Variants in ARHGAP28 observed in about 807,000 individuals in gnomAD.
ARHGAP28 encodes Rho GTPase activating protein 28, also known as rho GTPase-activating protein 28.
In ARHGAP28, 56 loss-of-function variants were observed where a neutral mutation model predicts 90.7. The ratio of observed to expected loss-of-function variants is 0.62; its 90% confidence interval spans 0.50 to 0.77. ARHGAP28 has a LOEUF of 0.77. Ranked by LOEUF, ARHGAP28 falls within the 30% of genes least tolerant of loss-of-function variation. The probability of loss-of-function intolerance (pLI) is 0.00; values close to 1 mark genes in which losing one functional copy is unlikely to be tolerated. For synonymous variants in ARHGAP28, 308 were observed against 323.3 expected, an observed-to-expected ratio of 0.95 and a Z score of 0.51; for missense variants, 869 against 900.9, an observed-to-expected ratio of 0.96 and a Z score of 0.45.
At chr18:6,832,391 G>A (rs574154410) in intron 2 of ARHGAP28, among the ~76,000 whole-genome samples, 6 of 151,922 alleles carry the variant, frequency 3.9e-5, no homozygotes, top group African/African-American at 1.4e-4. Context: ...TGGTTAGTGT[G>A]GTGTTCTGTA....
intron 2 of ARHGAP28, among the ~76,000 whole-genome samples, chr18:6,828,251 C>T (rs1024411669): frequency 7.9e-5 from 12 of 152,102 alleles, no homozygotes; most frequent in African/African-American, 2.2e-4. Flanking sequence ...CTCGGCAGGC[C>T]CAGGCAGGAG....
intron 1 of ARHGAP28, among the ~76,000 whole-genome samples, chr18:6,741,284 C>T (rs1038760340): frequency 6.6e-6 from 1 of 152,076 alleles, no homozygotes; most frequent in Non-Finnish European, 1.5e-5. Flanking sequence ...TTTAACATAC[C>T]ACAACTTAAC....
intron 16 of ARHGAP28, among the ~76,000 whole-genome samples, chr18:6,900,696 TATC>T (rs58039109): frequency 0.25 from 38,169 of 151,764 alleles, 5,400 homozygotes; most frequent in East Asian, 0.38. Context: ...GTGAGCTAAA[TATC>T]ATACAATCAG....
chr18:6,894,999 T>G (rs2057294613), intron 15 of ARHGAP28, 108 bp downstream of exon 15: 1 of 1,118,164 alleles, frequency 8.9e-7, no homozygotes. Context: ...CCTTCAAACT[T>G]GACATTTTCA....
At chr18:6,741,037 C>G (rs1289696071) in intron 1 of ARHGAP28, among the ~76,000 whole-genome samples, 1 of 152,082 alleles carries the variant, frequency 6.6e-6, no homozygotes, top group Non-Finnish European at 1.5e-5. Flanking sequence ...AAGGTGGTGT[C>G]GATTATGAGA....
rs749612619 is a variant in ARHGAP28 at position 6,868,171 on chromosome 18, G to C, written c.748G>C (p.Val250Leu). Reference protein sequence around the residue: ...DSVAILETIPVLPVHSNGSPE... With the variant: ...DSVAILETIPLLPVHSNGSPE... The stretch of plus-strand genomic sequence containing the variant: ...GCAGGCTATACTTGAGACCATTCCA[G>C]TTCTACCAGTTCATTCCAATGGATC... The change falls in exon 6 of 18, where the codon GTT becomes CTT. Residue 250 changes from valine (V) to leucine (L), a missense_variant. Transcript: ENST00000383472. 3 of 1,613,952 alleles carry C rather than the reference G, an allele frequency of 1.9e-6. No homozygotes were observed. Among genetic ancestry groups the C allele is most frequent in the East Asian group, 2.2e-5 (1 of 44,886 alleles).
At chr18:6,777,758 A>G (rs939129226) in intron 1 of ARHGAP28, among the ~76,000 whole-genome samples, 1 of 145,584 alleles carries the variant, frequency 6.9e-6, no homozygotes, top group South Asian at 2.4e-4. Context: ...GAGTGAATGA[A>G]TGAATGAATG....
chr18:6,777,239 T>C (rs1456561245), intron 1 of ARHGAP28, among the ~76,000 whole-genome samples: 1 of 152,134 alleles, frequency 6.6e-6, no homozygotes, highest in Non-Finnish European at 1.5e-5. Flanking sequence ...CACCTGGATT[T>C]GTGAATCTAT....
At chr18:6,776,953 G>A (rs1209160176) in intron 1 of ARHGAP28, among the ~76,000 whole-genome samples, 2 of 152,198 alleles carry the variant, frequency 1.3e-5, no homozygotes, top group Admixed American at 6.5e-5. Flanking sequence ...GTAAGCTGAG[G>A]CAGGTTATGA....
intron 1 of ARHGAP28, among the ~76,000 whole-genome samples, chr18:6,739,409 T>C (rs1308956887): frequency 6.6e-6 from 1 of 151,962 alleles, no homozygotes; most frequent in Non-Finnish European, 1.5e-5. Context: ...TTAAATATAA[T>C]AATATATTTG....
intron 2 of ARHGAP28, among the ~76,000 whole-genome samples, chr18:6,827,281 T>C (rs1239266013): frequency 1.3e-5 from 2 of 149,520 alleles, no homozygotes; most frequent in Non-Finnish European, 3.0e-5. Context: ...GAGGCGCCCC[T>C]CACCTCCCGG....
At chr18:6,801,732 C>G (rs764995101) in intron 1 of ARHGAP28, among the ~76,000 whole-genome samples, 9 of 151,952 alleles carry the variant, frequency 5.9e-5, no homozygotes, top group Non-Finnish European at 1.0e-4. Context: ...ATATCCATAA[C>G]CTTAACTATT....
chr18:6,737,502 G>A (rs2055938699), intron 1 of ARHGAP28, among the ~76,000 whole-genome samples: 1 of 152,068 alleles, frequency 6.6e-6, no homozygotes, highest in African/African-American at 2.4e-5. Flanking sequence ...CTTTTGATTA[G>A]ATAATCAGCT....
chr18:6,894,319 G>C (rs998924382), intron 14 of ARHGAP28, among the ~76,000 whole-genome samples: 5 of 152,332 alleles, frequency 3.3e-5, no homozygotes, highest in African/African-American at 9.6e-5. Flanking sequence ...GGCAGGGTGT[G>C]TGTACAGGAA....
chr18:6,840,534 T>G (rs1171943170), intron 3 of ARHGAP28, among the ~76,000 whole-genome samples: 1 of 152,190 alleles, frequency 6.6e-6, no homozygotes. Flanking sequence ...TGAAATTTCT[T>G]TTGCTTCACT....
At chr18:6,799,248 A>G (rs2056464218) in intron 1 of ARHGAP28, among the ~76,000 whole-genome samples, 1 of 152,242 alleles carries the variant, frequency 6.6e-6, no homozygotes, top group African/African-American at 2.4e-5. Flanking sequence ...GACACAAAAA[A>G]ATGGAAAAAC....
chr18:6,827,679 T>C (rs7232777), intron 2 of ARHGAP28, among the ~76,000 whole-genome samples: 108,278 of 147,362 alleles, frequency 0.73, 40,106 homozygotes, highest in Non-Finnish European at 0.79. Context: ...GGCGGCTGGC[T>C]GGGCGGAGAC....
At chr18:6,838,577 GATACA>G (rs1430096190) in intron 3 of ARHGAP28, among the ~76,000 whole-genome samples, 1 of 152,210 alleles carries the variant, frequency 6.6e-6, no homozygotes, top group African/African-American at 2.4e-5. Context: ...GGTAGCTCCA[GATACA>G]TATGACTACC....
At chr18:6,760,124 A>G (rs8091495) in intron 1 of ARHGAP28, among the ~76,000 whole-genome samples, 95,958 of 152,060 alleles carry the variant, frequency 0.63, 31,319 homozygotes, top group Middle Eastern at 0.72. Context: ...ACACACACAC[A>G]CACAAACTAC....
Sources: gnomAD v4.1 joint callset for allele counts (sites outside exome capture counted in the v4.1 genomes callset) on GRCh38, gnomAD v4.1.1 for gene constraint, MANE v1.5 for transcripts, NCBI Gene and HGNC (gene_info 2026-07-23, HGNC 2026-07-21) for gene names.